Variants in ZNF638 observed in about 807,000 individuals in gnomAD.
ZNF638 encodes zinc finger protein 638, also known as CTCL tumor antigen se33-1.
ZNF638 carries 46 observed loss-of-function variants against 195.6 expected under a neutral mutation model. The observed-to-expected ratio is 0.24, with a 90% CI of 0.19 to 0.30. The LOEUF is 0.30. Ranked by LOEUF, ZNF638 falls within the 10% of genes least tolerant of loss-of-function variation. The pLI is 1.00. For synonymous variants in ZNF638, 845 were observed against 772.0 expected (o/e 1.09, Z -1.57); for missense variants, 2,440 against 2,325.3 (o/e 1.05, Z -1.01).
intron 27 of ZNF638, among the ~76,000 whole-genome samples, chr2:71,434,275 C>T (rs2080722772): frequency 6.6e-6 from 1 of 152,020 alleles, no homozygotes; most frequent in Non-Finnish European, 1.5e-5. Context: ...GTTCTTTTGC[C>T]CCTTCCCAGT....
In ZNF638 at chr2:71,357,687, T is replaced by C. The variant is rs372152733; in HGVS notation, c.1379+1907T>C. ...GTAAGCCTATTATTTTTTTCATACA[T>C]GTAGGACCCTGATTTAAAGCATTTG... On this transcript the variant is annotated intron_variant, in intron 3 of 27. Coordinates refer to ENST00000264447, the MANE Select transcript of ZNF638 (RefSeq NM_014497.5). Among the ~76,000 whole-genome samples the C allele has an allele frequency of 5.9e-5, 9 of 152,324 alleles. No homozygotes were observed. In the South Asian group the frequency reaches 1.2e-3, roughly 21 times the overall value.
intron 26 of ZNF638, 100 bp downstream of exon 26, chr2:71,431,528 GGC>G: frequency 1.0e-6 from 1 of 952,886 alleles, no homozygotes; most frequent in Non-Finnish European, 1.6e-6. Flanking sequence ...GGGAGGCCGA[GGC>G]GGGTGGATCA....
intron 8 of ZNF638, among the ~76,000 whole-genome samples, chr2:71,372,998 A>G (rs1357064118): frequency 1.3e-5 from 2 of 152,188 alleles, no homozygotes; most frequent in African/African-American, 2.4e-5. Flanking sequence ...ATCTTTTGAC[A>G]TTTATGATAG....
At chr2:71,398,160 ATGGT>A (rs1438829311) in intron 11 of ZNF638, among the ~76,000 whole-genome samples, 4 of 152,156 alleles carry the variant, frequency 2.6e-5, no homozygotes, top group Non-Finnish European at 5.9e-5. Flanking sequence ...CTTATCCAAA[ATGGT>A]TGGGAGCAGA....
chr2:71,408,504 A>G lies in ZNF638; in HGVS notation c.3261+257A>G, dbSNP rs541324630. 97 of 384,184 alleles carry G rather than the reference A, an allele frequency of 2.5e-4. 1 individual carries two copies. Among genetic ancestry groups the G allele is most frequent in the South Asian group, 2.5e-3 (81 of 32,318 alleles). The allele number at this position is 384,184 out of a possible 1,614,324, so 23.8% of individuals were successfully genotyped here. On this transcript the variant is annotated intron_variant, in intron 20 of 27. Coordinates refer to ENST00000264447, the MANE Select transcript of ZNF638 (RefSeq NM_014497.5). ...CATGTAGGTATCTACATTTTTGTGT[A>G]TAGTGACTCTTTGTATGTAACATGA...
intron 11 of ZNF638, 144 bp from the exon 12 acceptor site, chr2:71,398,557 G>A: frequency 4.4e-6 from 3 of 685,890 alleles, no homozygotes; most frequent in Non-Finnish European, 5.2e-6. Context: ...TTAGAAAATG[G>A]CCTATGTCCC....
intron 8 of ZNF638, among the ~76,000 whole-genome samples, chr2:71,371,498 G>A (rs2079311964): frequency 6.6e-6 from 1 of 151,982 alleles, no homozygotes; most frequent in Non-Finnish European, 1.5e-5. Context: ...TCCACATCCT[G>A]GCCAGCATTT....
rs141845828 is a variant in ZNF638, at chr2:71,349,738, A to G, written c.784A>G (p.Met262Val). The change falls in exon 2 of 28, where the codon ATG becomes GTG. Residue 262 changes from methionine to valine, a missense_variant. Around this residue, in one of 5 missense-constraint regions of ZNF638, gnomAD observed 305 missense variants for 283.6 expected, o/e 1.08. Coordinates refer to ENST00000264447, the MANE Select transcript of ZNF638 (RefSeq NM_014497.5). Reference protein sequence around the residue: ...VPNPNVICNSMFPVEDVFRQM... With the variant: ...VPNPNVICNSVFPVEDVFRQM... ...CAATCCAAATGTGATATGTAATTCTATGTTTCCTGTTGAAGACGTATTTCG... is the reference window on the plus strand; with the variant it reads ...CAATCCAAATGTGATATGTAATTCTGTGTTTCCTGTTGAAGACGTATTTCG... The G allele has an allele frequency of 9.5e-5, 153 of 1,614,200 alleles. No homozygotes were observed. The highest frequency in any genetic ancestry group is 5.2e-4 in the African/African-American group (39 of 75,056).
At chr2:71,417,619 A>G (rs1035223579) in intron 20 of ZNF638, among the ~76,000 whole-genome samples, 9 of 150,382 alleles carry the variant, frequency 6.0e-5, no homozygotes, top group Admixed American at 2.0e-4. Context: ...AAGTTGGCCA[A>G]TATAGGTATC....
chr2:71,395,337 C>G (rs926925524), intron 10 of ZNF638: 17 of 711,498 alleles, frequency 2.4e-5, no homozygotes, highest in African/African-American at 5.3e-5. Flanking sequence ...AAACCTGATG[C>G]AAAAAACAAA....
chr2:71,391,332 A>G (rs1294354238), intron 10 of ZNF638, among the ~76,000 whole-genome samples: 1 of 152,156 alleles, frequency 6.6e-6, no homozygotes, highest in Non-Finnish European at 1.5e-5. Context: ...AACAATTTAC[A>G]TTTACCATAC....
Position 71,396,207 on chromosome 2 carries a change from T to C in ZNF638, c.2428+16T>C. ...AAATCTACAGGTATGTTTTTTTAAT[T>C]AGGATTCTAGACTATTAGTTAAAAC... On this transcript the variant is annotated intron_variant, in intron 11 of 27. Transcript: ENST00000264447. The C allele has an allele frequency of 6.2e-7, 1 of 1,605,068 alleles. No individual in the cohort carries two copies. The highest frequency in any genetic ancestry group is 8.5e-7 in the Non-Finnish European group (1 of 1,175,022).
chr2:71,357,204 G>C (rs942471358), intron 3 of ZNF638, among the ~76,000 whole-genome samples: 9 of 152,124 alleles, frequency 5.9e-5, no homozygotes, highest in South Asian at 2.1e-4. Flanking sequence ...TGACTCTTTT[G>C]GTTCAATTTT....
intron 10 of ZNF638, among the ~76,000 whole-genome samples, chr2:71,394,485 T>TC (rs1047640880): frequency 8.5e-5 from 13 of 152,282 alleles, no homozygotes; most frequent in African/African-American, 2.6e-4. Flanking sequence ...ACCTCAAAAC[T>TC]CCATGTTTGT....
Position 71,349,111 on chromosome 2 carries a change from C to A in ZNF638, c.157C>A (p.His53Asn), listed in dbSNP as rs748421915. The A allele has an allele frequency of 1.2e-6, 2 of 1,614,186 alleles. 1 individual carries two copies. Among genetic ancestry groups the A allele is most frequent in the South Asian group, 2.2e-5 (2 of 91,088 alleles). Reference sequence around the variant, plus strand: ...AGCAGGGAGAGCACGTGGAATTCCACACAGATTTGCTGGCCATGAATCTTA... The same window carrying A: ...AGCAGGGAGAGCACGTGGAATTCCAAACAGATTTGCTGGCCATGAATCTTA... ...YPAGRARGIPHRFAGHESYQN... is the reference protein window; with the variant it reads ...YPAGRARGIPNRFAGHESYQN... The change falls in exon 2 of 28, where the codon CAC becomes AAC. Residue 53 changes from histidine (H) to asparagine (N), a missense_variant. Physicochemically the swap from His to Asn is moderately conservative, Grantham distance 68. Transcript: ENST00000264447.
intron 20 of ZNF638, among the ~76,000 whole-genome samples, chr2:71,417,245 T>C (rs1456729284): frequency 1.3e-5 from 2 of 151,658 alleles, no homozygotes; most frequent in Non-Finnish European, 2.9e-5. Flanking sequence ...ATTTTCCAGG[T>C]GCGTCCGTCA....
intron 20 of ZNF638, 140 bp downstream of exon 20, chr2:71,408,387 A>G (rs1573136411): frequency 9.3e-7 from 1 of 1,078,660 alleles, no homozygotes; most frequent in Non-Finnish European, 1.3e-6. Flanking sequence ...TCCAATTTTC[A>G]TAGTTTATAA....
intron 1 of ZNF638, among the ~76,000 whole-genome samples, chr2:71,342,960 A>T (rs934889459): frequency 6.6e-6 from 1 of 152,200 alleles, no homozygotes; most frequent in South Asian, 2.1e-4. Flanking sequence ...TTCCAGTACA[A>T]CTGTCTTACA....
intron 1 of ZNF638, among the ~76,000 whole-genome samples, chr2:71,342,105 G>GA (rs1425208650): frequency 1.3e-5 from 2 of 150,760 alleles, no homozygotes; most frequent in African/African-American, 4.9e-5. Flanking sequence ...AGTCAAGTGG[G>GA]AAGGAAGGTT....
Sources: allele counts gnomAD v4.1 joint callset (sites outside exome capture counted in the v4.1 genomes callset), GRCh38; gene constraint gnomAD v4.1.1; regional missense constraint gnomAD v4.1.1; transcripts MANE v1.5; gene names NCBI Gene and HGNC (gene_info 2026-07-23, HGNC 2026-07-21).